SLCO1A2: variants seen among roughly 807,000 people sequenced by gnomAD.
SLCO1A2 encodes the protein OATP-1.
In SLCO1A2, 67 loss-of-function variants were observed where a neutral mutation model predicts 69.0. The ratio of observed to expected loss-of-function variants is 0.97; its 90% CI spans 0.80 to 1.19. The LOEUF (loss-of-function observed/expected upper bound fraction) is 1.19. Ranked by LOEUF, SLCO1A2 falls within the 50% of genes most tolerant of loss-of-function variation. SLCO1A2 has a pLI of 0.00. For synonymous variants in SLCO1A2, 260 were observed against 265.9 expected (o/e 0.98, Z 0.22); for missense variants, 787 against 793.7 (o/e 0.99, Z 0.10).
At chr12:21,354,919 G>A (rs1938241661) in intron 2 of SLCO1A2, 1 of 151,802 alleles carries the variant, frequency 6.6e-6, no homozygotes, top group Non-Finnish European at 1.5e-5. Context: ...ATTTACTGTT[G>A]TTGCACATGC....
chr12:21,332,691 TCTCA>T (rs1438410850), intron 2 of SLCO1A2, among the ~76,000 whole-genome samples: 1 of 152,110 alleles, frequency 6.6e-6, no homozygotes, highest in Non-Finnish European at 1.5e-5. Context: ...CTACCATCTT[TCTCA>T]CTGTGTCTTC....
chr12:21,398,523 T>A (rs1941563165), upstream of SLCO1A2, among the ~76,000 whole-genome samples: 1 of 151,604 alleles, frequency 6.6e-6, no homozygotes. Context: ...TAACTCATTT[T>A]ATGAGGCCAG....
At chr12:21,354,707 T>C (rs1938224029) in intron 2 of SLCO1A2, among the ~76,000 whole-genome samples, 1 of 152,192 alleles carries the variant, frequency 6.6e-6, no homozygotes, top group Admixed American at 6.5e-5. Context: ...TTCTGTTTTT[T>C]AGCCTTCATC....
intron 2 of SLCO1A2, chr12:21,354,956 C>T (rs1238090054): frequency 1.3e-5 from 2 of 152,032 alleles, no homozygotes; most frequent in African/African-American, 4.8e-5. Context: ...ACTCTATGGG[C>T]AAAGCTTTGC....
At chr12:21,323,382 C>A (rs888173694) in intron 2 of SLCO1A2, among the ~76,000 whole-genome samples, 2 of 151,918 alleles carry the variant, frequency 1.3e-5, no homozygotes, top group African/African-American at 4.8e-5. Flanking sequence ...TATGGCAAAA[C>A]CCTGTCTCTA....
chr12:21,269,613 C>T lies in SLCO1A2; in HGVS notation c.1948G>A (p.Glu650Lys). 6.2e-7 allele frequency: 1 copy of T among 1,612,658 alleles called. No homozygotes were observed. Among genetic ancestry groups the T allele is most frequent in the Non-Finnish European group, 8.5e-7 (1 of 1,179,094 alleles). Residue 650 changes from glutamate (E) to lysine (K), a missense_variant, in exon 15 of 15, where the codon GAG (glutamate) becomes AAG (lysine). By Grantham distance (56) the Glu-to-Lys change is moderately conservative. Transcript: ENST00000683939. Reference sequence around the variant, plus strand: ...GACTTTTGGTATATATCTTTGCACTCATTTTCCTTCCCTTTGACTTTTGTC... The same window carrying T: ...GACTTTTGGTATATATCTTTGCACTTATTTTCCTTCCCTTTGACTTTTGTC... ...IETKVKGKEN[E>K]CKDIYQKSTV... is the part of the protein sequence containing the mutation.
rs58686364 is a variant in SLCO1A2 at position 21,288,561 on chromosome 12, C to G, written c.1610+3603G>C. ...GGGAAGTAGAGATAGTTAATAGGTACGAAAAAATGGAAAGAATGAATTAAA... is the reference window on the plus strand; with the variant it reads ...GGGAAGTAGAGATAGTTAATAGGTAGGAAAAAATGGAAAGAATGAATTAAA... On this transcript the variant is annotated intron_variant, in intron 12 of 14. Coordinates refer to ENST00000683939, the MANE Select transcript of SLCO1A2 (RefSeq NM_001386879.1). Among the ~76,000 whole-genome samples the G allele has an allele frequency of 9.2e-5, 14 of 151,696 alleles. 1 individual carries two copies. The highest frequency in any genetic ancestry group is 3.4e-4 in the African/African-American group (14 of 41,356).
intron 1 of SLCO1A2, among the ~76,000 whole-genome samples, chr12:21,408,979 G>A (rs563928783): frequency 1.1e-4 from 16 of 152,306 alleles, no homozygotes; most frequent in African/African-American, 3.8e-4. Context: ...AGGCGGCAGA[G>A]GTAGACAGAG....
intron 2 of SLCO1A2, among the ~76,000 whole-genome samples, chr12:21,371,197 T>C (rs944670408): frequency 1.3e-5 from 2 of 152,158 alleles, no homozygotes; most frequent in African/African-American, 4.8e-5. Context: ...CTGGGTGTTG[T>C]TATAGCAATG....
At chr12:21,367,073 A>T (rs1464453469) in intron 2 of SLCO1A2, among the ~76,000 whole-genome samples, 1 of 152,184 alleles carries the variant, frequency 6.6e-6, no homozygotes, top group African/African-American at 2.4e-5. Context: ...ATATATCAGG[A>T]ATACAGAAAA....
rs566920459 is a variant in SLCO1A2 at position 21,370,369 on chromosome 12, T to C, written c.-63+4030A>G. On this transcript the variant is annotated intron_variant, in intron 2 of 15. Coordinates refer to the SLCO1A2 transcript ENST00000307378. ...TATACTTTAAGTTTTAGGGTACATGTGCATAACGTGCAGGTTTGTTACATA... is the reference window on the plus strand; with the variant it reads ...TATACTTTAAGTTTTAGGGTACATGCGCATAACGTGCAGGTTTGTTACATA... Among the ~76,000 whole-genome samples, 6 of 152,184 alleles carry C rather than the reference T, an allele frequency of 3.9e-5. No homozygotes were observed. The South Asian group carries it at 1.2e-3, about 32-fold the overall frequency.
At chr12:21,292,392 A>C in intron 11 of SLCO1A2, 56 bp from the exon 12 acceptor site, 3 of 1,429,606 alleles carry the variant, frequency 2.1e-6, no homozygotes, top group Non-Finnish European at 2.9e-6. Flanking sequence ...ACAAATTTTA[A>C]ACATTTTCTA....
intron 4 of SLCO1A2, among the ~76,000 whole-genome samples, chr12:21,307,666 G>A (rs554769440): frequency 1.3e-5 from 2 of 152,258 alleles, no homozygotes; most frequent in South Asian, 4.2e-4. Context: ...TAAATTACAT[G>A]CCGTAAGATG....
At chr12:21,333,546 C>G (rs1049303728) in intron 2 of SLCO1A2, among the ~76,000 whole-genome samples, 3 of 152,090 alleles carry the variant, frequency 2.0e-5, no homozygotes, top group Non-Finnish European at 4.4e-5. Flanking sequence ...TCACTTTTAC[C>G]TGATAAACTT....
chr12:21,298,439 G>T (rs1394744000), intron 8 of SLCO1A2, among the ~76,000 whole-genome samples: 1 of 152,006 alleles, frequency 6.6e-6, no homozygotes, highest in Non-Finnish European at 1.5e-5. Context: ...CACTTTTCCT[G>T]TCCACATGTT....
chr12:21,303,406 T>C (rs891113538), intron 6 of SLCO1A2, among the ~76,000 whole-genome samples: 5 of 152,198 alleles, frequency 3.3e-5, no homozygotes, highest in African/African-American at 1.2e-4. Flanking sequence ...AAAAAGATTA[T>C]TGCAAAATTA....
At chr12:21,392,872 C>CATGTA (rs1941231260) in intron 1 of SLCO1A2, among the ~76,000 whole-genome samples, 13 of 152,114 alleles carry the variant, frequency 8.5e-5, no homozygotes, top group Admixed American at 8.5e-4. Context: ...AAAAGCCAAC[C>CATGTA]TCTCTGAAAA....
upstream of SLCO1A2, chr12:21,419,101 C>G (rs1049965081): frequency 2.0e-5 from 3 of 152,156 alleles, no homozygotes; most frequent in Admixed American, 2.0e-4. Context: ...CTATTTAACC[C>G]AGAAATACCA....
At chr12:21,364,027 A>C (rs566859645) in intron 2 of SLCO1A2, among the ~76,000 whole-genome samples, 6 of 152,282 alleles carry the variant, frequency 3.9e-5, no homozygotes, top group African/African-American at 1.4e-4. Flanking sequence ...AAAAGAGGGA[A>C]TCCTCCCTCA....
Sources: gnomAD v4.1 joint callset for allele counts (sites outside exome capture counted in the v4.1 genomes callset) on GRCh38, gnomAD v4.1.1 for gene constraint, MANE v1.5 for transcripts, NCBI Gene and HGNC (gene_info 2026-07-23, HGNC 2026-07-21) for gene names.